TBXT: variants seen among roughly 807,000 people sequenced by gnomAD.
The protein encoded by TBXT is T brachyury transcription factor.
A neutral mutation model predicts 41.1 loss-of-function variants in TBXT; 19 were observed. The observed-to-expected ratio is 0.46, with a 90% CI of 0.32 to 0.68. The LOEUF (loss-of-function observed/expected upper bound fraction) is 0.68. TBXT is among the 30% of genes least tolerant of loss of function. The pLI, the probability that TBXT is intolerant of heterozygous loss-of-function variation, is 0.03. For missense variants in TBXT, 536 were observed against 582.0 expected (o/e 0.92, Z 0.81); for synonymous variants, 213 against 238.9 (o/e 0.89, Z 1.00).
rs530473208 is a variant in TBXT, at chr6:166,161,037, C to G, written c.908-71G>C. 13 of 1,582,394 alleles carry G rather than the reference C, an allele frequency of 8.2e-6. No homozygotes were observed. The Admixed American group carries it at 2.2e-4, about 26-fold the overall frequency. ...AAGAACAACAAAGTACAGTGAAATA[C>G]CACCAATAACTGAAGCTACGTAACA... is the stretch of plus-strand genomic sequence containing the variant. On this transcript the variant is annotated intron_variant, in intron 6 of 7. Transcript: ENST00000366876.
chr6:166,158,989 A>G (rs1233397829), intron 7 of TBXT, among the ~76,000 whole-genome samples: 2 of 152,216 alleles, frequency 1.3e-5, no homozygotes, highest in African/African-American at 4.8e-5. Context: ...CCTGACTAAC[A>G]TGGTGAAACC....
intron 7 of TBXT, among the ~76,000 whole-genome samples, chr6:166,159,717 C>T (rs1467529247): frequency 1.3e-5 from 2 of 152,162 alleles, no homozygotes; most frequent in Non-Finnish European, 2.9e-5. Flanking sequence ...GTTGTATCAC[C>T]ATACTGTTTT....
At chr6:166,160,657 G>C (rs188120068) in intron 7 of TBXT, among the ~76,000 whole-genome samples, 180 bp downstream of exon 7, 2 of 152,114 alleles carry the variant, frequency 1.3e-5, no homozygotes, top group African/African-American at 2.4e-5. Flanking sequence ...ACAGGAACTC[G>C]GCAGTCATGT....
At position 166,162,533 on chromosome 6, in the gene TBXT, G is replaced by A. The variant is rs35694129; in HGVS notation, c.821C>T (p.Thr274Met). 1,247 of 1,614,114 alleles carry A rather than the reference G, an allele frequency of 7.7e-4. 10 individuals are homozygous for A. The African/African-American group carries it at 0.014, about 18-fold the overall frequency. ...GGTTGGGTACCTGTCACAGCTGTGCGTGGAGGGGAGGGAGAGGGCACCTCC... is the reference window on the plus strand; with the variant it reads ...GGTTGGGTACCTGTCACAGCTGTGCATGGAGGGGAGGGAGAGGGCACCTCC... Reference protein sequence around the residue: ...QFGGALSLPSTHSCDRYPTLR... With the variant: ...QFGGALSLPSMHSCDRYPTLR... Residue 274 changes from threonine (T) to methionine (M), a missense_variant, in exon 6 of 8, where the codon ACG becomes ATG. Coordinates refer to ENST00000366876, the MANE Select transcript of TBXT (RefSeq NM_001366285.2).
Position 166,158,384 on chromosome 6 carries a change from G to A in TBXT, c.1242C>T (p.Ser414=). ...GGCCTTGGGCTGCGGCGTCGTACTGGCTGTCCACGATGTCTGTGGCCGCGG... is the reference window on the plus strand; with the variant it reads ...GGCCTTGGGCTGCGGCGTCGTACTGACTGTCCACGATGTCTGTGGCCGCGG... ...GAAAATDIVD[S]QYDAAAQGRL... is the part of the protein sequence containing the mutation. Residue 414 remains serine, a synonymous_variant, in exon 8 of 8, where the codon AGC becomes AGT. Transcript: ENST00000366876. 4 of 1,614,222 alleles carry A rather than the reference G, an allele frequency of 2.5e-6. No homozygotes were observed. Among genetic ancestry groups the A allele is most frequent in the African/African-American group, 1.3e-5 (1 of 75,060 alleles).
In TBXT at chr6:166,167,749, G is replaced by T; in HGVS notation, c.-158C>A. 1 of 914,496 alleles carries T rather than the reference G, an allele frequency of 1.1e-6. No homozygotes were observed. Among genetic ancestry groups the T allele is most frequent in the Non-Finnish European group, 1.7e-6 (1 of 604,704 alleles). The allele number at this position is 914,496 out of a possible 1,614,324, so 56.6% of individuals were successfully genotyped here. On this transcript the variant is annotated 5_prime_UTR_variant, in exon 1 of 8. Transcript: ENST00000366876. ...GTCCCGGGTCCCGGCACAGACCCGG[G>T]AGGAGGGCGCGGACCAAGACTTGGG...
chr6:166,166,925 C>A, intron 1 of TBXT, 69 bp from the exon 2 acceptor site: 1 of 1,607,712 alleles, frequency 6.2e-7, no homozygotes, highest in East Asian at 2.2e-5. Context: ...AGAAGCTGGG[C>A]ACAGAGGCCT....
Position 166,158,608 on chromosome 6 carries a change from G to C in TBXT, c.1038-20C>G, listed in dbSNP as rs1778862553. The C allele has an allele frequency of 6.7e-7, 1 of 1,495,112 alleles. No individual in the cohort carries two copies. Among genetic ancestry groups the C allele is most frequent in the South Asian group, 1.3e-5 (1 of 75,392 alleles). The allele number at this position is 1,495,112 out of a possible 1,614,324, so 92.6% of individuals were successfully genotyped here. A position where few individuals can be genotyped will look rare whatever the true frequency, so the allele number is the denominator to read the frequency against. On this transcript the variant is annotated intron_variant, in intron 7 of 7. Coordinates refer to ENST00000366876, the MANE Select transcript of TBXT (RefSeq NM_001366285.2). ...TACTGACTGCAACAGAAAGACACCA[G>C]TGAGCAGGGCCTGGGCAGGGGCTGC...
At chr6:166,158,816 G>A (rs1404785516) in intron 7 of TBXT, among the ~76,000 whole-genome samples, 2 of 152,208 alleles carry the variant, frequency 1.3e-5, no homozygotes, top group Non-Finnish European at 2.9e-5. Context: ...TCAGGAAGAT[G>A]ACTGAAAAGA....
chr6:166,165,691 C>T lies in TBXT; in HGVS notation c.606+15G>A, dbSNP rs1375484289. The T allele has an allele frequency of 1.2e-6, 2 of 1,613,752 alleles. No individual in the cohort carries two copies. Among genetic ancestry groups the T allele is most frequent in the Non-Finnish European group, 1.7e-6 (2 of 1,180,008 alleles). ...GCAGCACACCGGGAAAGCGATCCGC[C>T]TCTGTCCTTCTCACCTCCTCGTTCT... On this transcript the variant is annotated intron_variant, in intron 3 of 7. Transcript: ENST00000366876.
rs943965268 is a variant in TBXT at position 166,167,584 on chromosome 6, G to A, written c.8C>T (p.Ser3Phe). Residue 3 changes from serine (S) to phenylalanine (F), a missense_variant, in exon 1 of 8, where the codon TCC becomes TTC. Physicochemically the swap from Ser to Phe is radical, Grantham distance 155. Coordinates refer to ENST00000366876, the MANE Select transcript of TBXT (RefSeq NM_001366285.2). Reference protein sequence around the residue: MSSPGTESAGKSL... With the variant: MSFPGTESAGKSL... Reference sequence around the variant, plus strand: ...CTTTCCCGCGCTCTCGGTGCCAGGGGAGCTCATCCTCCCGTCCGGCTCCCC... The same window carrying A: ...CTTTCCCGCGCTCTCGGTGCCAGGGAAGCTCATCCTCCCGTCCGGCTCCCC... The A allele has an allele frequency of 2.6e-6, 4 of 1,560,172 alleles. No homozygotes were observed. The highest frequency in any genetic ancestry group is 1.4e-5 in the African/African-American group (1 of 73,632).
intron 6 of TBXT, among the ~76,000 whole-genome samples, chr6:166,161,917 C>T (rs1014020271): frequency 1.1e-4 from 15 of 141,068 alleles, no homozygotes; most frequent in South Asian, 2.4e-4. Flanking sequence ...AGCGAGACTC[C>T]GTCTCAAAAA....
chr6:166,159,397 C>T (rs1452905806), intron 7 of TBXT, among the ~76,000 whole-genome samples: 5 of 151,872 alleles, frequency 3.3e-5, no homozygotes, highest in Non-Finnish European at 4.4e-5. Flanking sequence ...AACTCCAGTA[C>T]AGACACAATT....
intron 3 of TBXT, among the ~76,000 whole-genome samples, chr6:166,165,492 A>G (rs879635627): frequency 3.3e-5 from 5 of 152,242 alleles, no homozygotes; most frequent in African/African-American, 9.6e-5. Context: ...AAACACTTGT[A>G]TGGAGAATTC....
intron 7 of TBXT, among the ~76,000 whole-genome samples, chr6:166,158,960 G>A (rs1329973792): frequency 2.6e-5 from 4 of 152,232 alleles, no homozygotes; most frequent in African/African-American, 9.6e-5. Flanking sequence ...ATCAGCTGAT[G>A]TCAGGAGTTC....
Position 166,167,637 on chromosome 6 carries a change from GCTACCTGAGAT to G in TBXT, c.-57_-47del, listed in dbSNP as rs975087980. The G allele has an allele frequency of 6.5e-7, 1 of 1,536,984 alleles. No homozygotes were observed. The highest frequency in any genetic ancestry group is 8.7e-7 in the Non-Finnish European group (1 of 1,146,464). On this transcript the variant is annotated 5_prime_UTR_variant, in exon 1 of 8. Transcript: ENST00000366876. ...CCCGCCGTCCCCGAAGCCCAGACTC[GCTACCTGAGAT>G]CCACCTTCCCTGCTCTTGGCCGCCG...
Position 166,164,587 on chromosome 6 carries a change from G to C in TBXT, c.730+18C>G, listed in dbSNP as rs749059990. On this transcript the variant is annotated intron_variant, in intron 5 of 7. Coordinates refer to ENST00000366876, the MANE Select transcript of TBXT (RefSeq NM_001366285.2). Reference sequence around the variant, plus strand: ...CCCGATGACGCAGAATGACATGACAGAGTGCAACAAACCGTACATTGGGAG... The same window carrying C: ...CCCGATGACGCAGAATGACATGACACAGTGCAACAAACCGTACATTGGGAG... 1.9e-6 allele frequency: 3 copies of C among 1,613,888 alleles called. No homozygotes were observed. In the Admixed American group the frequency reaches 5.0e-5, roughly 27 times the overall value.
Position 166,158,170 on chromosome 6 carries a change from TC to T in TBXT, c.*144del. 7.8e-7 allele frequency: 1 copy of T among 1,287,054 alleles called. No individual in the cohort carries two copies. Among genetic ancestry groups the T allele is most frequent in the Non-Finnish European group, 1.1e-6 (1 of 900,770 alleles). The allele number at this position is 1,287,054 out of a possible 1,614,324, so 79.7% of individuals were successfully genotyped here. On this transcript the variant is annotated 3_prime_UTR_variant, in exon 8 of 8. Transcript: ENST00000366876. ...TCTGGGGAAAGGTGCCGTGTGCTCC[TC>T]CACTGCTTTGAAAAGGAAGTTACTG...
intron 6 of TBXT, among the ~76,000 whole-genome samples, chr6:166,161,453 C>T (rs1778951936): frequency 6.6e-6 from 1 of 152,188 alleles, no homozygotes; most frequent in Non-Finnish European, 1.5e-5. Flanking sequence ...TTCAAATCAG[C>T]TTTAATTGCT....
Sources: allele counts gnomAD v4.1 joint callset (sites outside exome capture counted in the v4.1 genomes callset), GRCh38; gene constraint gnomAD v4.1.1; transcripts MANE v1.5; gene names NCBI Gene and HGNC (gene_info 2026-07-23, HGNC 2026-07-21).